The following KIF20B variants were observed in gnomAD, a reference collection of about 807,000 sequenced individuals.
KIF20B encodes the protein kinesin family member 20B.
Under a neutral mutation model 232.5 loss-of-function variants are expected in KIF20B, and 188 were observed. The ratio of observed to expected loss-of-function variants is 0.81; its 90% confidence interval spans 0.72 to 0.91. KIF20B has a LOEUF of 0.91. Ranked by LOEUF, KIF20B falls within the 40% of genes least tolerant of loss-of-function variation. The pLI, the probability that KIF20B is intolerant of heterozygous loss-of-function variation, is 0.00. For synonymous variants in KIF20B, 712 were observed against 683.0 expected, an observed-to-expected ratio of 1.04 and a Z score of -0.66; for missense variants, 2,154 against 2,055.9, an observed-to-expected ratio of 1.05 and a Z score of -0.92.
intron 25 of KIF20B, 50 bp from the exon 26 acceptor site, chr10:89,754,468 T>C (rs775096558): frequency 8.1e-7 from 1 of 1,231,684 alleles, no homozygotes; most frequent in Non-Finnish European, 1.1e-6. Context: ...AAACATGTAT[T>C]GACTACTTTG....
At chr10:89,745,579 AT>A (rs1841892385) in intron 22 of KIF20B, among the ~76,000 whole-genome samples, 3 of 151,294 alleles carry the variant, frequency 2.0e-5, no homozygotes, top group Non-Finnish European at 2.9e-5. Flanking sequence ...TTTTTTTTTA[AT>A]TTTTTTAAAT....
Position 89,714,051 on chromosome 10 carries a change from C to T in KIF20B, c.680C>T (p.Thr227Ile). The T allele has an allele frequency of 2.8e-6, 4 of 1,416,432 alleles. No homozygotes were observed. The East Asian group carries it at 7.5e-5, about 27-fold the overall frequency. 87.7% of individuals were successfully genotyped at this position (1,416,432 alleles called of 1,614,324 possible). The change falls in exon 7 of 33, where the codon ACT becomes ATT. Residue 227 changes from threonine to isoleucine, a missense_variant. Thr to Ile is a moderately conservative substitution (Grantham distance 89, BLOSUM62 -1). Coordinates refer to ENST00000371728, the MANE Select transcript of KIF20B (RefSeq NM_001284259.2). ...SALLRQIKEV[T>I]VHNDSDDTLY... ...TTAAAACAATCTTTTTTTTAGGTTA[C>T]TGTGCATAATGATAGTGATGATACT... is the stretch of plus-strand genomic sequence containing the variant.
intron 23 of KIF20B, 27 bp downstream of exon 23, chr10:89,745,986 A>G: frequency 6.4e-7 from 1 of 1,564,188 alleles, no homozygotes; most frequent in Non-Finnish European, 8.8e-7. Flanking sequence ...TACTTCTGGA[A>G]CCAGAAAAGT....
chr10:89,703,103 T>A (rs916157043), intron 1 of KIF20B, among the ~76,000 whole-genome samples: 3 of 148,378 alleles, frequency 2.0e-5, no homozygotes, highest in African/African-American at 7.3e-5. Context: ...TCAACACTTT[T>A]CTTTAAACCA....
chr10:89,770,522 T>C (rs568194541), intron 31 of KIF20B, among the ~76,000 whole-genome samples: 1 of 152,140 alleles, frequency 6.6e-6, no homozygotes, highest in African/African-American at 2.4e-5. Context: ...ATAATAAGTA[T>C]GTAATCAGAT....
chr10:89,758,774 A>G lies in KIF20B; in HGVS notation c.4572A>G (p.Gln1524=), dbSNP rs201458460. 3.7e-6 allele frequency: 6 copies of G among 1,608,814 alleles called. No homozygotes were observed. In the African/African-American group the frequency reaches 4.0e-5, roughly 11 times the overall value. The part of the protein sequence containing the change: ...DLQKWREERD[Q]LVAALEIQLK... ...AAAAGTGGCGAGAAGAACGAGATCA[A>G]CTGGTTGCAGCTTTAGAAATACAGC... The change falls in exon 27 of 33, where the codon CAA becomes CAG. Residue 1524 remains glutamine (Q), a synonymous_variant. Transcript: ENST00000371728.
rs149688226 is a variant in KIF20B at position 89,738,577 on chromosome 10, AAAG to A, written c.3751_3753del (p.Glu1251del). ...AGATATGAAACATTTACTTCAATTA[AAAG>A]AAGAAGAAGAAGAAACCAACAGGCA... On this transcript the variant is annotated inframe_deletion, in exon 20 of 33. Coordinates refer to ENST00000371728, the MANE Select transcript of KIF20B (RefSeq NM_001284259.2). 2.1e-3 allele frequency: 3,209 copies of A among 1,527,934 alleles called. 36 individuals carry two copies. The African/African-American group carries it at 0.03, about 14-fold the overall frequency. 94.6% of individuals were successfully genotyped at this position (1,527,934 alleles called of 1,614,324 possible).
chr10:89,735,561 CAG>C (rs752029881), intron 19 of KIF20B, among the ~76,000 whole-genome samples: 20 of 96,800 alleles, frequency 2.1e-4, no homozygotes, highest in Non-Finnish European at 3.4e-4. Flanking sequence ...TTTTTTGAGA[CAG>C]AGTCTTCCTC....
intron 15 of KIF20B, among the ~76,000 whole-genome samples, chr10:89,725,470 G>T (rs1483079242): frequency 6.6e-6 from 1 of 152,042 alleles, no homozygotes; most frequent in African/African-American, 2.4e-5. Flanking sequence ...TAAATAAAAA[G>T]AATTTTAAAG....
rs554776959 is a variant in KIF20B at position 89,709,279 on chromosome 10, T to A, written c.234+26T>A. The A allele has an allele frequency of 1.8e-4, 284 of 1,593,154 alleles. 2 individuals carry two copies. In the South Asian group the frequency reaches 3.0e-3, roughly 17 times the overall value. On this transcript the variant is annotated intron_variant, in intron 3 of 32. Transcript: ENST00000371728. ...GTTTGTGTTGAATTTAATAGAATTT[T>A]AATATTTTACTTTCATTTAAAATGG... is the stretch of plus-strand genomic sequence containing the variant.
intron 29 of KIF20B, among the ~76,000 whole-genome samples, chr10:89,766,643 T>C (rs1842366940): frequency 6.6e-6 from 1 of 152,056 alleles, no homozygotes; most frequent in Admixed American, 6.6e-5. Flanking sequence ...TCTAGCAAAA[T>C]AATTTTTCTT....
intron 29 of KIF20B, among the ~76,000 whole-genome samples, chr10:89,764,685 A>G (rs1187229917): frequency 6.6e-6 from 1 of 151,482 alleles, no homozygotes; most frequent in Non-Finnish European, 1.5e-5. Flanking sequence ...TTGGCTGCAT[A>G]AATGTCTTCT....
chr10:89,705,269 A>G, intron 1 of KIF20B, 25 bp from the exon 2 acceptor site: 5 of 1,609,416 alleles, frequency 3.1e-6, no homozygotes, highest in East Asian at 2.2e-5. Context: ...TAAGGTTGTT[A>G]AAGAAGTTGC....
Position 89,709,432 on chromosome 10 carries a change from C to A in KIF20B, c.322C>A (p.Gln108Lys). 6.2e-7 allele frequency: 1 copy of A among 1,612,268 alleles called. No individual in the cohort carries two copies. The highest frequency in any genetic ancestry group is 1.1e-5 in the South Asian group (1 of 90,934). ...TCGGTTAAGTGAAAAAAGCTCAGGG[C>A]AGATGGCACAGAAATTCAGTTTTTC... ...LGRLSEKSSG[Q>K]MAQKFSFSKV... is the part of the protein sequence containing the mutation. Residue 108 changes from glutamine to lysine, a missense_variant, in exon 4 of 33, where the codon CAG becomes AAG. Transcript: ENST00000371728.
At position 89,719,655 on chromosome 10, in the gene KIF20B, A is replaced by C. The variant is rs754541217; in HGVS notation, c.1671A>C (p.Leu557=). 1.7e-5 allele frequency: 28 copies of C among 1,611,774 alleles called. No homozygotes were observed. ...AAACTAAACTTCTTGATGAAGATCT[A>C]GATAAAACATTAGAGGAAAATAAGG... ...NVETKLLDED[L]DKTLEENKAF... Residue 557 remains leucine, a synonymous_variant, in exon 13 of 33, where the codon CTA becomes CTC. Transcript: ENST00000371728.
At position 89,733,136 on chromosome 10, in the gene KIF20B, G is replaced by T. The variant is rs764364447; in HGVS notation, c.2545+80G>T. On this transcript the variant is annotated intron_variant, in intron 19 of 32. Coordinates refer to ENST00000371728, the MANE Select transcript of KIF20B (RefSeq NM_001284259.2). The stretch of plus-strand genomic sequence containing the variant: ...TAAATAGAACAAGGCAAACAGAGGG[G>T]CATTCACTTGTCTAAGGAAAAATCT... 3 of 1,387,932 alleles carry T rather than the reference G, an allele frequency of 2.2e-6. No homozygotes were observed. The South Asian group carries it at 3.7e-5, about 17-fold the overall frequency. 86.0% of individuals were successfully genotyped at this position (1,387,932 alleles called of 1,614,324 possible).
At chr10:89,750,459 A>G (rs920707817) in intron 23 of KIF20B, among the ~76,000 whole-genome samples, 2 of 152,130 alleles carry the variant, frequency 1.3e-5, no homozygotes, top group Non-Finnish European at 1.5e-5. Flanking sequence ...AACTGCTCAT[A>G]CAGTTTTCTC....
Position 89,719,621 on chromosome 10 carries a change from A to G in KIF20B, c.1637A>G (p.Gln546Arg). The G allele has an allele frequency of 6.2e-7, 1 of 1,613,314 alleles. No individual in the cohort carries two copies. The highest frequency in any genetic ancestry group is 8.5e-7 in the Non-Finnish European group (1 of 1,179,454). The change falls in exon 13 of 33, where the codon CAA becomes CGA. Residue 546 changes from glutamine to arginine, a missense_variant. Transcript: ENST00000371728. ...GAGCTAGAAAACGCTGAAGAAACTC[A>G]AAATGTGGAAACTAAACTTCTTGAT... ...VEELENAEET[Q>R]NVETKLLDED...
At chr10:89,739,187 G>A (rs1841739592) in intron 21 of KIF20B, 91 bp downstream of exon 21, 1 of 1,324,242 alleles carries the variant, frequency 7.6e-7, no homozygotes, top group African/African-American at 1.5e-5. Flanking sequence ...GGATTGAATA[G>A]AACATTTATC....
Sources: gnomAD v4.1 joint callset for allele counts (sites outside exome capture counted in the v4.1 genomes callset) on GRCh38, gnomAD v4.1.1 for gene constraint, MANE v1.5 for transcripts, NCBI Gene and HGNC (gene_info 2026-07-23, HGNC 2026-07-21) for gene names.